The following TMEM272 variants were observed in gnomAD, a reference collection of about 807,000 sequenced individuals.
TMEM272 encodes long intergenic non-protein coding RNA 282.
TMEM272 carries 8 observed loss-of-function variants against 3.7 expected under a neutral mutation model. That is an observed-to-expected ratio of 2.17 (90% CI 1.27 to 3.91). TMEM272 has a LOEUF of 3.91. Ranked by LOEUF, TMEM272 falls within the 30% of genes most tolerant of loss-of-function variation. TMEM272 has a pLI of 0.00. For synonymous variants in TMEM272, 63 were observed against 39.8 expected (o/e 1.58, Z -2.20); for missense variants, 166 against 91.5 (o/e 1.81, Z -3.32).
the TMEM272 span, among the ~76,000 whole-genome samples, chr13:51,861,320 G>T: frequency 6.6e-6 from 1 of 152,104 alleles, no homozygotes; most frequent in Admixed American, 6.5e-5. Flanking sequence ...CTGTATTAAA[G>T]ATTTTTGCTA....
chr13:51,921,991 G>A, the TMEM272 span, among the ~76,000 whole-genome samples: 1 of 152,214 alleles, frequency 6.6e-6, no homozygotes, highest in Non-Finnish European at 1.5e-5. Flanking sequence ...TCATTTATAC[G>A]TGTGGGTTGT....
chr13:51,843,952 T>C (rs1412959574), intron 1 of TMEM272, among the ~76,000 whole-genome samples: 2 of 152,206 alleles, frequency 1.3e-5, no homozygotes, highest in Non-Finnish European at 2.9e-5. Context: ...CAAGGCACAT[T>C]TGGCAATATG....
chr13:51,822,050 T>C lies in TMEM272; in HGVS notation c.201+5A>G, dbSNP rs890910761. Reference sequence around the variant, plus strand: ...GACTACAAACAGCAGATAAAGATACTTTACCTTTAAGGTACCGACGATGCC... The same window carrying C: ...GACTACAAACAGCAGATAAAGATACCTTACCTTTAAGGTACCGACGATGCC... On this transcript the variant is annotated splice_donor_5th_base_variant and intron_variant, in intron 4 of 4. Transcript: ENST00000629372. 7.1e-6 allele frequency: 5 copies of C among 702,462 alleles called. No homozygotes were observed. The highest frequency in any genetic ancestry group is 1.3e-5 in the Non-Finnish European group (5 of 384,978). The allele number at this position is 702,462 out of a possible 1,614,324, so 43.5% of individuals were successfully genotyped here. A position where few individuals can be genotyped will look rare whatever the true frequency, so the allele number is the denominator to read the frequency against.
At chr13:51,818,207 A>G (rs1349043707) in intron 4 of TMEM272, among the ~76,000 whole-genome samples, 1 of 152,076 alleles carries the variant, frequency 6.6e-6, no homozygotes. Flanking sequence ...GCGGGGAGAG[A>G]TGCTGAGCTT....
the TMEM272 span, among the ~76,000 whole-genome samples, chr13:51,889,030 A>T: frequency 6.6e-6 from 1 of 152,092 alleles, no homozygotes; most frequent in African/African-American, 2.4e-5. Flanking sequence ...TTTCCCACTG[A>T]TGGGTATCTA....
intron 4 of TMEM272, among the ~76,000 whole-genome samples, chr13:51,818,443 G>A (rs530849546): frequency 2.0e-5 from 3 of 152,336 alleles, no homozygotes; most frequent in African/African-American, 7.2e-5. Flanking sequence ...GAGCCTGGAG[G>A]TGAACAGAGA....
At chr13:51,898,123 C>T in the TMEM272 span, among the ~76,000 whole-genome samples, 1 of 151,914 alleles carries the variant, frequency 6.6e-6, no homozygotes, top group Admixed American at 6.6e-5. Flanking sequence ...CTGGCTGAGG[C>T]AGGAGAATCG....
chr13:51,897,362 ATTTTTTTT>A, the TMEM272 span, among the ~76,000 whole-genome samples: 197 of 82,386 alleles, frequency 2.4e-3, no homozygotes, highest in Non-Finnish European at 3.6e-3. Context: ...TGTCTGGCTA[ATTTTTTTT>A]TTTTTTTTTT....
the TMEM272 span, among the ~76,000 whole-genome samples, chr13:51,898,420 CT>C: frequency 6.6e-6 from 1 of 151,504 alleles, no homozygotes; most frequent in Non-Finnish European, 1.5e-5. Flanking sequence ...GAGAAATGAG[CT>C]CCTTATAATA....
chr13:51,842,772 AT>A (rs1956273474), intron 1 of TMEM272, among the ~76,000 whole-genome samples: 1 of 152,182 alleles, frequency 6.6e-6, no homozygotes, highest in Non-Finnish European at 1.5e-5. Context: ...CAGAACTCTC[AT>A]TTTCACAGCT....
chr13:51,885,113 A>G, the TMEM272 span, among the ~76,000 whole-genome samples: 2 of 152,174 alleles, frequency 1.3e-5, no homozygotes, highest in East Asian at 3.8e-4. Context: ...TTTCTGTCCA[A>G]TAAGATGTGA....
the TMEM272 span, among the ~76,000 whole-genome samples, chr13:51,870,202 A>G: frequency 6.6e-6 from 1 of 152,210 alleles, no homozygotes; most frequent in African/African-American, 2.4e-5. Flanking sequence ...AAACAGCATG[A>G]CAGTGCTGTT....
chr13:51,881,516 T>C, the TMEM272 span, among the ~76,000 whole-genome samples: 1 of 152,002 alleles, frequency 6.6e-6, no homozygotes. Context: ...GGGAGGGGTG[T>C]TAGTGAACAC....
At chr13:51,836,683 G>A (rs73199785) in intron 2 of TMEM272, among the ~76,000 whole-genome samples, 2,860 of 152,248 alleles carry the variant, frequency 0.019, 46 homozygotes, top group Non-Finnish European at 0.031. Context: ...AGTACTGCTT[G>A]TCATCAAAAT....
chr13:51,909,928 A>G, the TMEM272 span: 1 of 1,600,910 alleles, frequency 6.2e-7, no homozygotes, highest in Non-Finnish European at 8.6e-7. Flanking sequence ...TGTTCTTTCC[A>G]TACTTCAGCT....
At chr13:51,890,667 T>C in the TMEM272 span, among the ~76,000 whole-genome samples, 1 of 152,132 alleles carries the variant, frequency 6.6e-6, no homozygotes, top group Non-Finnish European at 1.5e-5. Flanking sequence ...TTAAATGAAA[T>C]GTACGGGAGG....
chr13:51,914,795 C>T, the TMEM272 span, among the ~76,000 whole-genome samples: 1 of 152,184 alleles, frequency 6.6e-6, no homozygotes, highest in Non-Finnish European at 1.5e-5. Context: ...TTAACAAGAC[C>T]CTGACTCCAG....
At chr13:51,865,179 C>T in the TMEM272 span, among the ~76,000 whole-genome samples, 5,380 of 152,294 alleles carry the variant, frequency 0.035, 333 homozygotes, top group African/African-American at 0.12. Context: ...CATGACCACC[C>T]CACATGTTTT....
At chr13:51,825,606 C>T (rs998816584) in intron 3 of TMEM272, among the ~76,000 whole-genome samples, 2 of 150,284 alleles carry the variant, frequency 1.3e-5, no homozygotes, top group African/African-American at 4.9e-5. Context: ...AACACTGGGC[C>T]TGCTGAGCTG....
Sources: gnomAD v4.1 joint callset for allele counts (sites outside exome capture counted in the v4.1 genomes callset) on GRCh38, gnomAD v4.1.1 for gene constraint, MANE v1.5 for transcripts, NCBI Gene and HGNC (gene_info 2026-07-23, HGNC 2026-07-21) for gene names.